Variants in SYNDIG1 observed in about 807,000 individuals in gnomAD.
The protein encoded by SYNDIG1 is synapse differentiation-inducing gene protein 1.
A neutral mutation model predicts 19.4 loss-of-function variants in SYNDIG1; 9 were observed. That is an observed-to-expected ratio of 0.46 (90% CI 0.28 to 0.81). The LOEUF (loss-of-function observed/expected upper bound fraction) is 0.81, where lower values mean the gene tolerates loss of function less well. Among genes scored for constraint, SYNDIG1 ranks in the 30% least tolerant of loss-of-function variants. The pLI, the probability that SYNDIG1 is intolerant of heterozygous loss-of-function variation, is 0.12. For missense variants in SYNDIG1, 311 were observed against 343.3 expected (o/e 0.91, Z 0.74); for synonymous variants, 141 against 145.9 (o/e 0.97, Z 0.24).
chr20:24,594,712 T>C lies in SYNDIG1; in HGVS notation c.618+9719T>C, dbSNP rs115108016. On this transcript the variant is annotated intron_variant, in intron 3 of 3. Transcript: ENST00000376862. Reference sequence around the variant, plus strand: ...CATCTCTGATTTCTTCGAGCAGCATTTTATAATTCTCATTGTAGAGATCTT... The same window carrying C: ...CATCTCTGATTTCTTCGAGCAGCATCTTATAATTCTCATTGTAGAGATCTT... Among the ~76,000 whole-genome samples, 1,465 of 152,342 alleles carry C rather than the reference T, an allele frequency of 9.6e-3. 36 individuals carry two copies. Among genetic ancestry groups the C allele is most frequent in the African/African-American group, 0.033 (1,372 of 41,586 alleles).
rs367953868 is a variant in SYNDIG1 at position 24,665,711 on chromosome 20, C to T, written c.*207C>T. The T allele has an allele frequency of 2.5e-3, 1,494 of 606,994 alleles. 41 individuals carry two copies. The South Asian group carries it at 0.038, about 16-fold the overall frequency. 37.6% of individuals were successfully genotyped at this position (606,994 alleles called of 1,614,324 possible). Reference sequence around the variant, plus strand: ...TAGAGCACCAGACAGACGGGCACTGCTAATCCTTCCAAAGGAAAGCTCCAA... The same window carrying T: ...TAGAGCACCAGACAGACGGGCACTGTTAATCCTTCCAAAGGAAAGCTCCAA... On this transcript the variant is annotated 3_prime_UTR_variant, in exon 4 of 4. Transcript: ENST00000376862.
At chr20:24,483,722 A>G (rs1201800648) in intron 1 of SYNDIG1, among the ~76,000 whole-genome samples, 2 of 152,170 alleles carry the variant, frequency 1.3e-5, no homozygotes, top group Non-Finnish European at 2.9e-5. Flanking sequence ...TTCACCACAT[A>G]TTGAGTACTT....
intron 3 of SYNDIG1, among the ~76,000 whole-genome samples, chr20:24,635,709 C>T (rs2059308329): frequency 6.6e-6 from 1 of 152,174 alleles, no homozygotes; most frequent in African/African-American, 2.4e-5. Context: ...ACACATGCCT[C>T]TTGTTTTTCA....
At chr20:24,612,206 G>A (rs1039701194) in intron 3 of SYNDIG1, among the ~76,000 whole-genome samples, 2 of 152,198 alleles carry the variant, frequency 1.3e-5, no homozygotes, top group Non-Finnish European at 1.5e-5. Context: ...GAGCACGGAC[G>A]CCTCCCAAGA....
At chr20:24,520,435 C>T (rs2056980089) in intron 1 of SYNDIG1, among the ~76,000 whole-genome samples, 1 of 151,026 alleles carries the variant, frequency 6.6e-6, no homozygotes, top group Admixed American at 6.6e-5. Flanking sequence ...GTGGCTCACG[C>T]CTATAATCCC....
In SYNDIG1 at chr20:24,641,231, T is replaced by C. The variant is rs187392982; in HGVS notation, c.619-24115T>C. On this transcript the variant is annotated intron_variant, in intron 3 of 3. Transcript: ENST00000376862. Reference sequence around the variant, plus strand: ...TAATGGTTTCACACGCAGACATGTTTAGGAGAACTTACTATGAAATACATT... The same window carrying C: ...TAATGGTTTCACACGCAGACATGTTCAGGAGAACTTACTATGAAATACATT... Among the ~76,000 whole-genome samples the C allele has an allele frequency of 2.9e-3, 448 of 152,298 alleles. 8 individuals carry two copies. The highest frequency in any genetic ancestry group is 0.022 in the Admixed American group (340 of 15,294).
At chr20:24,535,425 A>C (rs2057341559) in intron 1 of SYNDIG1, among the ~76,000 whole-genome samples, 2 of 152,252 alleles carry the variant, frequency 1.3e-5, no homozygotes, top group Admixed American at 1.3e-4. Context: ...AAAAGCTACT[A>C]GCGTTCAATA....
intron 2 of SYNDIG1, among the ~76,000 whole-genome samples, chr20:24,560,985 C>T (rs2057934575): frequency 6.6e-6 from 1 of 151,082 alleles, no homozygotes; most frequent in African/African-American, 2.4e-5. Context: ...ACTGATGTCT[C>T]CTCAGCTTTG....
rs1555789027 is a variant in SYNDIG1 at position 24,512,153 on chromosome 20, A to ATG, written c.-78-30866_-78-30865dup. ...TATATATATATATATATATATATATATGCAGTGGTTCCAAGATGGCCGAAT... is the reference window on the plus strand; with the variant it reads ...TATATATATATATATATATATATATATGTGCAGTGGTTCCAAGATGGCCGAAT... On this transcript the variant is annotated intron_variant, in intron 1 of 3. Transcript: ENST00000376862. 6.1e-4 allele frequency among the ~76,000 whole-genome samples: 69 copies of ATG among 112,788 alleles called. 1 individual carries two copies. The East Asian group carries it at 0.014, about 24-fold the overall frequency. 74.0% of individuals were successfully genotyped at this position (112,788 alleles called of 152,430 possible). A position where few individuals can be genotyped will look rare whatever the true frequency, so the allele number is the denominator to read the frequency against.
At chr20:24,477,812 G>A (rs1053177486) in intron 1 of SYNDIG1, among the ~76,000 whole-genome samples, 1 of 152,218 alleles carries the variant, frequency 6.6e-6, no homozygotes, top group Non-Finnish European at 1.5e-5. Flanking sequence ...TGAGGCTGGG[G>A]TGCGATGGAG....
At chr20:24,606,400 T>A (rs1256962860) in intron 3 of SYNDIG1, among the ~76,000 whole-genome samples, 1 of 152,262 alleles carries the variant, frequency 6.6e-6, no homozygotes, top group Non-Finnish European at 1.5e-5. Flanking sequence ...CACTGAATTC[T>A]AATAGATATC....
intron 3 of SYNDIG1, among the ~76,000 whole-genome samples, chr20:24,639,259 C>A (rs1388289859): frequency 5.3e-5 from 8 of 152,178 alleles, no homozygotes; most frequent in Non-Finnish European, 8.8e-5. Flanking sequence ...AAGCACATCT[C>A]AGCAGAGGCA....
chr20:24,602,268 T>A (rs1179218312), intron 3 of SYNDIG1, among the ~76,000 whole-genome samples: 1 of 152,240 alleles, frequency 6.6e-6, no homozygotes. Context: ...GACAAAGTAT[T>A]CATAGTAATA....
At chr20:24,603,483 A>T (rs1459937321) in intron 3 of SYNDIG1, among the ~76,000 whole-genome samples, 4 of 152,124 alleles carry the variant, frequency 2.6e-5, no homozygotes, top group Non-Finnish European at 5.9e-5. Flanking sequence ...CTGCACGGTA[A>T]GTGGAAACAA....
At chr20:24,545,533 G>C (rs987132127) in intron 2 of SYNDIG1, among the ~76,000 whole-genome samples, 1 of 152,136 alleles carries the variant, frequency 6.6e-6, no homozygotes, top group Non-Finnish European at 1.5e-5. Context: ...GCTCTGAAGA[G>C]GGTCTGGGGC....
At chr20:24,530,803 G>T (rs1043206414) in intron 1 of SYNDIG1, among the ~76,000 whole-genome samples, 9 of 150,482 alleles carry the variant, frequency 6.0e-5, no homozygotes, top group Non-Finnish European at 1.3e-4. Flanking sequence ...TTGTTTTTTG[G>T]GTTTTTTGTT....
At chr20:24,558,658 C>T (rs558635559) in intron 2 of SYNDIG1, among the ~76,000 whole-genome samples, 16 of 152,244 alleles carry the variant, frequency 1.1e-4, no homozygotes, top group Middle Eastern at 3.4e-3. Context: ...ATATGTTTAG[C>T]GTACCATTTT....
chr20:24,645,881 G>A (rs540655967), intron 3 of SYNDIG1, among the ~76,000 whole-genome samples: 2 of 152,324 alleles, frequency 1.3e-5, no homozygotes, highest in African/African-American at 4.8e-5. Context: ...GGGCTCTAGA[G>A]AGAACACCTG....
chr20:24,553,172 G>C (rs924657458), intron 2 of SYNDIG1, among the ~76,000 whole-genome samples: 49 of 151,672 alleles, frequency 3.2e-4, no homozygotes, highest in African/African-American at 1.1e-3. Context: ...TTTTTTTCTT[G>C]TAAATTTGTT....
Sources: allele counts gnomAD v4.1 joint callset (sites outside exome capture counted in the v4.1 genomes callset), GRCh38; gene constraint gnomAD v4.1.1; transcripts MANE v1.5; gene names NCBI Gene and HGNC (gene_info 2026-07-23, HGNC 2026-07-21).